The following PMFBP1 variants were observed in gnomAD, a reference collection of about 807,000 sequenced individuals.
PMFBP1 encodes polyamine modulated factor 1 binding protein 1.
In PMFBP1, 131 loss-of-function variants were observed where a neutral mutation model predicts 137.8. The observed-to-expected ratio is 0.95, with a 90% confidence interval of 0.82 to 1.10. The LOEUF (loss-of-function observed/expected upper bound fraction) is 1.10, where lower values mean the gene tolerates loss of function less well. PMFBP1 is among the 50% of genes least tolerant of loss of function. PMFBP1 has a pLI of 0.00. For missense variants in PMFBP1, 1,199 were observed against 1,175.4 expected (o/e 1.02, Z -0.29); for synonymous variants, 490 against 450.4 (o/e 1.09, Z -1.11).
intron 16 of PMFBP1, 124 bp downstream of exon 16, chr16:72,125,114 C>T (rs892443014): frequency 4.9e-6 from 7 of 1,420,230 alleles, no homozygotes; most frequent in East Asian, 2.3e-5. Flanking sequence ...GTTCAGGGAG[C>T]CAAGAAAGTG....
the PMFBP1 span, among the ~76,000 whole-genome samples, chr16:72,221,720 T>C: frequency 6.6e-6 from 1 of 152,190 alleles, no homozygotes; most frequent in Admixed American, 6.5e-5. Flanking sequence ...GCATTATAAA[T>C]ATAAACAGTT....
intron 7 of PMFBP1, among the ~76,000 whole-genome samples, chr16:72,138,330 C>T (rs1257773772): frequency 6.6e-6 from 1 of 152,172 alleles, no homozygotes; most frequent in Non-Finnish European, 1.5e-5. Flanking sequence ...CTCCCTCTGC[C>T]ACCCCGCTTC....
the PMFBP1 span, among the ~76,000 whole-genome samples, chr16:72,182,360 G>T: frequency 6.6e-6 from 1 of 152,122 alleles, no homozygotes. Flanking sequence ...GCCAGGCATG[G>T]TGGTGCACAC....
chr16:72,125,071 C>T, intron 16 of PMFBP1, 137 bp from the exon 17 acceptor site: 3 of 1,370,636 alleles, frequency 2.2e-6, no homozygotes, highest in South Asian at 1.4e-5. Context: ...GCAGAGGGCA[C>T]CCATGCTCCG....
chr16:72,206,973 T>C, the PMFBP1 span, among the ~76,000 whole-genome samples: 1 of 152,168 alleles, frequency 6.6e-6, no homozygotes, highest in African/African-American at 2.4e-5. Context: ...ACAAGCTTTC[T>C]GAGGAAGGCA....
the PMFBP1 span, among the ~76,000 whole-genome samples, chr16:72,209,185 G>A: frequency 2.0e-5 from 3 of 152,126 alleles, no homozygotes; most frequent in Admixed American, 2.0e-4. Context: ...CTCAAATAGC[G>A]CTTGTGTCCA....
chr16:72,159,299 A>C (rs147269714), intron 3 of PMFBP1, among the ~76,000 whole-genome samples: 1 of 152,272 alleles, frequency 6.6e-6, no homozygotes, highest in African/African-American at 2.4e-5. Context: ...GTGGGAAATA[A>C]ATGCTTTTTT....
chr16:72,183,424 T>C, the PMFBP1 span, among the ~76,000 whole-genome samples: 2 of 152,294 alleles, frequency 1.3e-5, no homozygotes. Context: ...TTCTGGCAGT[T>C]TGCTGGCCAC....
chr16:72,215,295 T>A, the PMFBP1 span, among the ~76,000 whole-genome samples: 1 of 149,460 alleles, frequency 6.7e-6, no homozygotes, highest in African/African-American at 2.5e-5. Flanking sequence ...CAAAGAGAAA[T>A]AAATCCAGAC....
chr16:72,240,490 C>G, the PMFBP1 span, among the ~76,000 whole-genome samples: 7 of 152,340 alleles, frequency 4.6e-5, no homozygotes, highest in South Asian at 8.3e-4. Context: ...GATAGATGTT[C>G]GTTAGCATTT....
chr16:72,153,825 G>A (rs2042938756), intron 4 of PMFBP1, among the ~76,000 whole-genome samples: 1 of 148,258 alleles, frequency 6.7e-6, no homozygotes, highest in Non-Finnish European at 1.5e-5. Context: ...AAAAATGGTG[G>A]ATTTAATGGA....
chr16:72,177,296 G>T (rs1332730513), upstream of PMFBP1, among the ~76,000 whole-genome samples: 1 of 152,142 alleles, frequency 6.6e-6, no homozygotes, highest in Non-Finnish European at 1.5e-5. Flanking sequence ...ATTAACTCTT[G>T]TATGGCAGCT....
chr16:72,165,175 C>T (rs184921158), intron 2 of PMFBP1, among the ~76,000 whole-genome samples: 17 of 152,270 alleles, frequency 1.1e-4, no homozygotes, highest in Admixed American at 9.8e-4. Context: ...AGACAATTCC[C>T]CTGTTTTTCA....
At chr16:72,182,253 G>C in the PMFBP1 span, among the ~76,000 whole-genome samples, 1 of 152,198 alleles carries the variant, frequency 6.6e-6, no homozygotes. Flanking sequence ...CCAGCACTTT[G>C]GGAGGCCAAT....
chr16:72,179,671 C>A (rs553193811), upstream of PMFBP1, among the ~76,000 whole-genome samples: 1 of 152,196 alleles, frequency 6.6e-6, no homozygotes, highest in Admixed American at 6.5e-5. Flanking sequence ...AAACTGGAAT[C>A]TTTCCTTCCA....
the PMFBP1 span, among the ~76,000 whole-genome samples, chr16:72,212,336 AAG>A: frequency 6.6e-6 from 1 of 152,192 alleles, no homozygotes; most frequent in Non-Finnish European, 1.5e-5. Context: ...AATAGAAAAT[AAG>A]AGAGAACAGA....
rs1201547309 is a variant in PMFBP1 at position 72,154,313 on chromosome 16, C to A, written c.312G>T (p.Leu104Phe). 3 of 1,614,010 alleles carry A rather than the reference C, an allele frequency of 1.9e-6. No individual in the cohort carries two copies. The highest frequency in any genetic ancestry group is 2.5e-6 in the Non-Finnish European group (3 of 1,180,024). Residue 104 changes from leucine (L) to phenylalanine (F), a missense_variant, in exon 4 of 21, where the codon TTG becomes TTT. Physicochemically the swap from Leu to Phe is conservative, Grantham distance 22. Transcript: ENST00000237353. ...GGCGGAGAGAATAGTAAGAAGTCTG[C>A]AACTCCTCTGTGTGAAACTCCAGTT... ...QQELEFHTEE[L>F]QTSYYSLRQY...
At chr16:72,170,000 C>T (rs1261825689) in intron 2 of PMFBP1, among the ~76,000 whole-genome samples, 1 of 150,810 alleles carries the variant, frequency 6.6e-6, no homozygotes, top group Non-Finnish European at 1.5e-5. Context: ...GGAACGTGGG[C>T]TGATTTTTAT....
the PMFBP1 span, among the ~76,000 whole-genome samples, chr16:72,239,076 G>A: frequency 7.2e-5 from 11 of 152,136 alleles, no homozygotes; most frequent in Non-Finnish European, 1.2e-4. Flanking sequence ...AACAAGAATT[G>A]TCTAGCCCCA....
Sources: allele counts gnomAD v4.1 joint callset (sites outside exome capture counted in the v4.1 genomes callset), GRCh38; gene constraint gnomAD v4.1.1; transcripts MANE v1.5; gene names NCBI Gene and HGNC (gene_info 2026-07-23, HGNC 2026-07-21).